Variants in POMT2 observed in about 807,000 individuals in gnomAD.
POMT2 encodes protein O-mannosyltransferase 2.
POMT2 carries 75 observed loss-of-function variants against 100.0 expected under a neutral mutation model. The ratio of observed to expected loss-of-function variants is 0.75; its 90% CI spans 0.62 to 0.91. The LOEUF is 0.91. Among genes scored for constraint, POMT2 ranks in the 40% least tolerant of loss-of-function variants. The probability of loss-of-function intolerance (pLI) is 0.00; values close to 1 mark genes in which losing one functional copy is unlikely to be tolerated. For synonymous variants in POMT2, 378 were observed against 374.1 expected (o/e 1.01, Z -0.12); for missense variants, 940 against 955.1 (o/e 0.98, Z 0.21).
chr14:77,297,403 C>T (rs1420549388), intron 8 of POMT2, among the ~76,000 whole-genome samples: 1 of 152,206 alleles, frequency 6.6e-6, no homozygotes, highest in Non-Finnish European at 1.5e-5. Flanking sequence ...ATCACAGCTA[C>T]TGCCACAGCA....
intron 2 of POMT2, 66 bp downstream of exon 2, chr14:77,311,883 A>G: frequency 6.3e-7 from 1 of 1,575,608 alleles, no homozygotes; most frequent in South Asian, 1.2e-5. Flanking sequence ...CAAAATCAAG[A>G]TGTGGCTCCA....
In POMT2 at chr14:77,278,387, T is replaced by G. The variant is rs1472805344; in HGVS notation, c.2147+7A>C. 4 of 1,459,640 alleles carry G rather than the reference T, an allele frequency of 2.7e-6. No homozygotes were observed. The highest frequency in any genetic ancestry group is 2.0e-5 in the Admixed American group (1 of 50,914). 90.4% of individuals were successfully genotyped at this position (1,459,640 alleles called of 1,614,324 possible). On this transcript the variant is annotated splice_region_variant and intron_variant, in intron 20 of 20. Coordinates refer to ENST00000261534, the MANE Select transcript of POMT2 (RefSeq NM_013382.7). ...TGGGAGGGCATGTGAGGTGCAGAGA[T>G]GCTCACCTGTAGGCAGTTCCCAGGA...
intron 8 of POMT2, among the ~76,000 whole-genome samples, chr14:77,298,215 G>A (rs574181078): frequency 2.6e-5 from 4 of 152,178 alleles, no homozygotes; most frequent in South Asian, 2.1e-4. Flanking sequence ...GCTCCTTCAC[G>A]CCTGTCAATC....
rs1027577309 is a variant in POMT2 at position 77,306,566 on chromosome 14, T to C, written c.334-125A>G. 5 of 1,082,040 alleles carry C rather than the reference T, an allele frequency of 4.6e-6. No individual in the cohort carries two copies. In the African/African-American group the frequency reaches 6.3e-5, roughly 14 times the overall value. 67.0% of individuals were successfully genotyped at this position (1,082,040 alleles called of 1,614,324 possible). A position where few individuals can be genotyped will look rare whatever the true frequency, so the allele number is the denominator to read the frequency against. On this transcript the variant is annotated intron_variant, in intron 2 of 20. Transcript: ENST00000261534. ...CCTTGACAACTGTCCATAGAAAATG[T>C]TGCCAATGCAACATTTTCTCCTGCA...
At chr14:77,278,166 C>T in intron 20 of POMT2, 1 of 556,346 alleles carries the variant, frequency 1.8e-6, no homozygotes, top group South Asian at 2.0e-5. Context: ...GAACCACCGG[C>T]AGAAGGGGAA....
chr14:77,300,129 A>G (rs45525734), intron 6 of POMT2: 8,986 of 171,878 alleles, frequency 0.052, 302 homozygotes, highest in Non-Finnish European at 0.072. Context: ...TGTATATTCC[A>G]GCACCTCACA....
chr14:77,278,604 A>T, intron 19 of POMT2, 96 bp from the exon 20 acceptor site: 4 of 1,478,350 alleles, frequency 2.7e-6, no homozygotes, highest in Non-Finnish European at 3.7e-6. Context: ...GCAGAGAGTC[A>T]CTCCCAGCAC....
chr14:77,284,896 G>T, intron 14 of POMT2, 54 bp downstream of exon 14: 1 of 1,448,268 alleles, frequency 6.9e-7, no homozygotes, highest in Non-Finnish European at 9.7e-7. Flanking sequence ...CTAAGATAAG[G>T]GTTTCTTATA....
At chr14:77,285,395 G>T in intron 13 of POMT2, 86 bp downstream of exon 13, 4 of 1,562,356 alleles carry the variant, frequency 2.6e-6, no homozygotes, top group Admixed American at 1.7e-5. Flanking sequence ...GTGAACACAG[G>T]AAAACAAAAG....
At position 77,288,750 on chromosome 14, in the gene POMT2, A is replaced by C; in HGVS notation, c.1253+12T>G. 6.2e-7 allele frequency: 1 copy of C among 1,612,292 alleles called. No individual in the cohort carries two copies. Among genetic ancestry groups the C allele is most frequent in the Non-Finnish European group, 8.5e-7 (1 of 1,178,430 alleles). On this transcript the variant is annotated intron_variant, in intron 11 of 20. Coordinates refer to ENST00000261534, the MANE Select transcript of POMT2 (RefSeq NM_013382.7). ...CGTACCATTTATTTATCCAAACTGC[A>C]AATTGACTTACTCTTTGTGTTCTAG...
rs373812409 is a variant in POMT2, at chr14:77,286,736, T to G, written c.1332+8A>C. The G allele has an allele frequency of 5.0e-6, 8 of 1,612,064 alleles. No individual in the cohort carries two copies. In the African/African-American group the frequency reaches 1.1e-4, roughly 22 times the overall value. On this transcript the variant is annotated splice_region_variant and intron_variant, in intron 12 of 20. Coordinates refer to ENST00000261534, the MANE Select transcript of POMT2 (RefSeq NM_013382.7). ...TACGTCCTACTCACATCCCCGTTGC[T>G]TACTTACTATGCCATAGCCGGTGAC...
chr14:77,319,773 T>C (rs1236177339), intron 1 of POMT2, among the ~76,000 whole-genome samples: 1 of 152,084 alleles, frequency 6.6e-6, no homozygotes, highest in Non-Finnish European at 1.5e-5. Context: ...AACCCAGGAG[T>C]CTCATCTTCT....
At chr14:77,301,345 C>T (rs1891034189) in intron 5 of POMT2, 96 bp from the exon 6 acceptor site, 2 of 1,504,842 alleles carry the variant, frequency 1.3e-6, no homozygotes, top group South Asian at 2.3e-5. Flanking sequence ...CTTGGAGCGG[C>T]TGTGCTGTGC....
At chr14:77,291,009 G>C (rs1370476776) in intron 10 of POMT2, among the ~76,000 whole-genome samples, 1 of 152,170 alleles carries the variant, frequency 6.6e-6, no homozygotes, top group Non-Finnish European at 1.5e-5. Context: ...CCAGCCCCTA[G>C]TGGCATGCTC....
At chr14:77,279,696 A>G in intron 18 of POMT2, 127 bp downstream of exon 18, 1 of 947,712 alleles carries the variant, frequency 1.1e-6, no homozygotes, top group Non-Finnish European at 1.6e-6. Context: ...TTCAAAAGCA[A>G]AGGATAAGGG....
chr14:77,303,020 G>C lies in POMT2; in HGVS notation c.548-77C>G, dbSNP rs149929369. 28,403 of 1,068,392 alleles carry C rather than the reference G, an allele frequency of 0.027. 461 individuals carry two copies. The highest frequency in any genetic ancestry group is 0.032 in the Non-Finnish European group (22,366 of 705,470). The allele number at this position is 1,068,392 out of a possible 1,614,324, so 66.2% of individuals were successfully genotyped here. A position where few individuals can be genotyped will look rare whatever the true frequency, so the allele number is the denominator to read the frequency against. On this transcript the variant is annotated intron_variant, in intron 4 of 20. Coordinates refer to ENST00000261534, the MANE Select transcript of POMT2 (RefSeq NM_013382.7). ...TGAAAACCAAGCACCCCAGTAGTAGGAAACAGTCCCTCTTGCCACTTAATT... is the reference window on the plus strand; with the variant it reads ...TGAAAACCAAGCACCCCAGTAGTAGCAAACAGTCCCTCTTGCCACTTAATT...
At chr14:77,288,303 A>G (rs1056465476) in intron 11 of POMT2, among the ~76,000 whole-genome samples, 1 of 152,230 alleles carries the variant, frequency 6.6e-6, no homozygotes, top group African/African-American at 2.4e-5. Flanking sequence ...CAGTGAGAAC[A>G]CTGGTTAAAT....
chr14:77,281,205 C>T (rs574936317), intron 15 of POMT2, among the ~76,000 whole-genome samples: 2 of 152,268 alleles, frequency 1.3e-5, no homozygotes, highest in South Asian at 2.1e-4. Flanking sequence ...AACTCTCATG[C>T]GTGCCTAGAC....
At chr14:77,314,719 T>C (rs1429522613) in intron 1 of POMT2, among the ~76,000 whole-genome samples, 1 of 152,192 alleles carries the variant, frequency 6.6e-6, no homozygotes, top group African/African-American at 2.4e-5. Flanking sequence ...GGAGTGATCA[T>C]GACAATGGCA....
Sources: allele counts gnomAD v4.1 joint callset (sites outside exome capture counted in the v4.1 genomes callset), GRCh38; gene constraint gnomAD v4.1.1; transcripts MANE v1.5; gene names NCBI Gene and HGNC (gene_info 2026-07-23, HGNC 2026-07-21).